Variants in EFCAB13 observed in about 807,000 individuals in gnomAD.
EFCAB13 encodes EF-hand calcium binding domain 13.
Under a neutral mutation model 110.2 loss-of-function variants are expected in EFCAB13, and 91 were observed. The observed-to-expected ratio is 0.83, with a 90% confidence interval of 0.70 to 0.98. EFCAB13 has a LOEUF of 0.98. Ranked by LOEUF, EFCAB13 falls within the 50% of genes least tolerant of loss-of-function variation. EFCAB13 has a pLI of 0.00. For missense variants in EFCAB13, 968 were observed against 1,119.4 expected, an observed-to-expected ratio of 0.86 and a Z score of 1.93; for synonymous variants, 323 against 369.9, an observed-to-expected ratio of 0.87 and a Z score of 1.45.
chr17:47,421,481 CAAACACTGCGGAAGG>C (rs1010905764), intron 23 of EFCAB13, among the ~76,000 whole-genome samples: 2 of 151,850 alleles, frequency 1.3e-5, no homozygotes, highest in Non-Finnish European at 2.9e-5. Flanking sequence ...CCCAGGGACA[CAAACACTGCGGAAGG>C]CCGCAGTGTC....
At chr17:47,439,178 T>TG (rs1905268327) in intron 24 of EFCAB13, among the ~76,000 whole-genome samples, 1 of 121,622 alleles carries the variant, frequency 8.2e-6, no homozygotes, top group Non-Finnish European at 1.8e-5. Flanking sequence ...TTTGTTTTTT[T>TG]TTTTTTTTTT....
intron 9 of EFCAB13, among the ~76,000 whole-genome samples, chr17:47,349,992 T>A (rs1167321340): frequency 3.3e-5 from 5 of 151,886 alleles, no homozygotes; most frequent in Non-Finnish European, 5.9e-5. Context: ...GCCAGGATGG[T>A]CTCGATCTCT....
At chr17:47,335,448 T>G (rs2065343996) in intron 5 of EFCAB13, 92 bp downstream of exon 5, 3 of 1,025,098 alleles carry the variant, frequency 2.9e-6, no homozygotes, top group Non-Finnish European at 4.2e-6. Context: ...GTTCTCATAA[T>G]GTACCATGTG....
chr17:47,370,006 C>A (rs942865619), intron 10 of EFCAB13: 1 of 164,432 alleles, frequency 6.1e-6, no homozygotes, highest in Non-Finnish European at 1.3e-5. Flanking sequence ...TTTTGTTCAG[C>A]CAAAAATAAT....
intron 9 of EFCAB13, among the ~76,000 whole-genome samples, chr17:47,359,679 G>A (rs980462117): frequency 6.7e-6 from 1 of 150,094 alleles, no homozygotes; most frequent in Non-Finnish European, 1.5e-5. Flanking sequence ...CAATGTGCAG[G>A]TTAGTTACAT....
chr17:47,374,365 A>T, intron 11 of EFCAB13, 107 bp from the exon 12 acceptor site: 1 of 1,031,442 alleles, frequency 9.7e-7, no homozygotes, highest in East Asian at 2.8e-5. Context: ...TATGTTTAAG[A>T]AACTGATAAT....
At chr17:47,410,739 A>G (rs1054461284) in intron 21 of EFCAB13, among the ~76,000 whole-genome samples, 1 of 152,208 alleles carries the variant, frequency 6.6e-6, no homozygotes, top group African/African-American at 2.4e-5. Flanking sequence ...GAAGAAAGGG[A>G]TAATTGGTCC....
chr17:47,428,998 C>A (rs1288447531), intron 23 of EFCAB13, among the ~76,000 whole-genome samples: 1 of 151,950 alleles, frequency 6.6e-6, no homozygotes, highest in Non-Finnish European at 1.5e-5. Flanking sequence ...AAGGTAGTTG[C>A]CTTATAAATG....
intron 24 of EFCAB13, among the ~76,000 whole-genome samples, chr17:47,435,567 T>C (rs934496760): frequency 6.6e-6 from 1 of 152,054 alleles, no homozygotes; most frequent in Non-Finnish European, 1.5e-5. Context: ...GTAAAAGGGG[T>C]TGAGTTCTTG....
At chr17:47,342,128 C>T (rs2065389123) in intron 6 of EFCAB13, 96 bp downstream of exon 6, 6 of 683,914 alleles carry the variant, frequency 8.8e-6, no homozygotes, top group Non-Finnish European at 1.5e-5. Flanking sequence ...GTTGAAATGT[C>T]ACAGTCTTAA....
intron 9 of EFCAB13, among the ~76,000 whole-genome samples, chr17:47,358,766 G>A (rs949150438): frequency 6.6e-6 from 1 of 152,132 alleles, no homozygotes; most frequent in Non-Finnish European, 1.5e-5. Flanking sequence ...TTTTCATCAT[G>A]ATTGTGGAGT....
At chr17:47,392,185 A>C (rs2065711934) in intron 15 of EFCAB13, among the ~76,000 whole-genome samples, 1 of 152,200 alleles carries the variant, frequency 6.6e-6, no homozygotes, top group Non-Finnish European at 1.5e-5. Flanking sequence ...TAAAAAGTAA[A>C]AAAAGGAATA....
At chr17:47,328,138 T>C (rs1318486799) in intron 3 of EFCAB13, 131 bp from the exon 4 acceptor site, 1 of 530,870 alleles carries the variant, frequency 1.9e-6, no homozygotes, top group Non-Finnish European at 3.4e-6. Context: ...CCCACATATC[T>C]GTGTTGGTGA....
chr17:47,364,572 A>G (rs1445971406), intron 10 of EFCAB13, among the ~76,000 whole-genome samples: 1 of 152,122 alleles, frequency 6.6e-6, no homozygotes, highest in Non-Finnish European at 1.5e-5. Flanking sequence ...TGGCCTCCCA[A>G]AGTGCTGGGA....
chr17:47,429,052 C>G (rs1055407954), intron 23 of EFCAB13, among the ~76,000 whole-genome samples: 2 of 152,018 alleles, frequency 1.3e-5, no homozygotes, highest in Non-Finnish European at 2.9e-5. Context: ...GTGGTTTGTC[C>G]TCTTACATCC....
At chr17:47,341,796 A>G in intron 5 of EFCAB13, 125 bp from the exon 6 acceptor site, 3 of 606,666 alleles carry the variant, frequency 4.9e-6, no homozygotes, top group South Asian at 2.3e-5. Flanking sequence ...AGGATTGACC[A>G]CTGTTGAAAC....
At chr17:47,375,698 A>G (rs1002807735) in intron 12 of EFCAB13, among the ~76,000 whole-genome samples, 1 of 152,146 alleles carries the variant, frequency 6.6e-6, no homozygotes, top group Non-Finnish European at 1.5e-5. Flanking sequence ...TTCCTGAGAA[A>G]CTTATTCAGT....
chr17:47,424,908 A>T, intron 23 of EFCAB13, among the ~76,000 whole-genome samples: 1 of 16,466 alleles, frequency 6.1e-5, no homozygotes, highest in Non-Finnish European at 1.2e-4. Flanking sequence ...TTTGAGACGG[A>T]GTCTCGCTCT....
chr17:47,336,881 A>T, intron 5 of EFCAB13, among the ~76,000 whole-genome samples: 1 of 152,126 alleles, frequency 6.6e-6, no homozygotes, highest in East Asian at 1.9e-4. Flanking sequence ...TGACTAAAAA[A>T]TAAAAAAAAA....
Sources: gnomAD v4.1 joint callset for allele counts (sites outside exome capture counted in the v4.1 genomes callset) on GRCh38, gnomAD v4.1.1 for gene constraint, MANE v1.5 for transcripts, NCBI Gene and HGNC (gene_info 2026-07-23, HGNC 2026-07-21) for gene names.